The following HELB variants were observed in gnomAD, a reference collection of about 807,000 sequenced individuals.
HELB encodes DNA 5'-3' helicase B.
A neutral mutation model predicts 101.7 loss-of-function variants in HELB; 96 were observed. That is an observed-to-expected ratio of 0.94 (90% CI 0.80 to 1.12). The LOEUF (loss-of-function observed/expected upper bound fraction) is 1.12. HELB is among the 50% of genes most tolerant of loss of function. The pLI, the probability that HELB is intolerant of heterozygous loss-of-function variation, is 0.00. For synonymous variants in HELB, 437 were observed against 459.7 expected (o/e 0.95, Z 0.63); for missense variants, 1,210 against 1,291.9 (o/e 0.94, Z 0.97).
Position 66,310,449 on chromosome 12 carries a change from T to C in HELB, c.1521T>C (p.Phe507=). ...AAGTAAAAAAAGCCTGTGAAGATTT[T>C]GAACAAGACCAGAATGCTTCAGAAG... is the stretch of plus-strand genomic sequence containing the variant. ...EREVKKACED[F]EQDQNASEEW... Residue 507 remains phenylalanine, a synonymous_variant, in exon 4 of 13, where the codon TTT becomes TTC. Transcript: ENST00000247815. The C allele has an allele frequency of 6.2e-7, 1 of 1,614,152 alleles. No individual in the cohort carries two copies.
intron 4 of HELB, among the ~76,000 whole-genome samples, chr12:66,312,580 G>T (rs1268487907): frequency 1.3e-5 from 2 of 152,154 alleles, no homozygotes; most frequent in Non-Finnish European, 2.9e-5. Context: ...TGAATTAGAA[G>T]GGGACACCCG....
At chr12:66,315,490 G>T in intron 6 of HELB, 107 bp downstream of exon 6, 1 of 745,982 alleles carries the variant, frequency 1.3e-6, no homozygotes, top group Non-Finnish European at 1.9e-6. Context: ...ACACCTTTTA[G>T]CAAAACTCTT....
chr12:66,305,184 A>C, intron 2 of HELB, 34 bp downstream of exon 2: 1 of 1,235,902 alleles, frequency 8.1e-7, no homozygotes. Flanking sequence ...CTTTCAGTGT[A>C]ATTGACATAC....
downstream of HELB, chr12:66,338,311 G>T: frequency 2.2e-6 from 1 of 450,766 alleles, no homozygotes; most frequent in Non-Finnish European, 3.9e-6. Flanking sequence ...TAAGTGAAGA[G>T]ATTAGATATT....
At position 66,331,569 on chromosome 12, in the gene HELB, A is replaced by G. The variant is rs775046593; in HGVS notation, c.3086A>G (p.Asp1029Gly). The change falls in exon 12 of 13, where the codon GAT (aspartate) becomes GGT (glycine). Residue 1029 changes from aspartate to glycine, a missense_variant. Asp to Gly is a moderately conservative substitution (Grantham distance 94). Coordinates refer to ENST00000247815, the MANE Select transcript of HELB (RefSeq NM_001370285.1). The stretch of plus-strand genomic sequence containing the variant: ...TCACCTGATGGAGTAGATACAGATG[A>G]TGATTTACCAAAATCGCGAGCATCC... ...LSSPDGVDTD[D>G]DLPKSRASKR... is the part of the protein sequence containing the mutation. 27 of 1,613,536 alleles carry G rather than the reference A, an allele frequency of 1.7e-5. No individual in the cohort carries two copies. The South Asian group carries it at 3.0e-4, about 18-fold the overall frequency.
intron 3 of HELB, among the ~76,000 whole-genome samples, chr12:66,307,474 T>C (rs765453058): frequency 8.5e-5 from 13 of 152,230 alleles, no homozygotes; most frequent in Non-Finnish European, 1.6e-4. Context: ...TGTTCACATT[T>C]CAAGAATAAA....
chr12:66,330,838 A>C (rs1297304859), intron 11 of HELB, among the ~76,000 whole-genome samples: 1 of 151,954 alleles, frequency 6.6e-6, no homozygotes, highest in African/African-American at 2.4e-5. Flanking sequence ...ACACATTTAC[A>C]CATGAAGCCT....
In HELB at chr12:66,318,760, G is replaced by A. The variant is rs762315935; in HGVS notation, c.2123G>A (p.Ser708Asn). ...IFVRLPEEDA[S>N]SQSSKTNHHS... ...GTCAGGCTCCCAGAAGAGGATGCCAGTTCTCAGTCATCTAAAACTAATCAT... is the reference window on the plus strand; with the variant it reads ...GTCAGGCTCCCAGAAGAGGATGCCAATTCTCAGTCATCTAAAACTAATCAT... The change falls in exon 7 of 13, where the codon AGT becomes AAT. Residue 708 changes from serine to asparagine, a missense_variant. Transcript: ENST00000247815. 4.2e-5 allele frequency: 67 copies of A among 1,609,508 alleles called. No individual in the cohort carries two copies. The highest frequency in any genetic ancestry group is 5.6e-5 in the Non-Finnish European group (66 of 1,178,634).
intron 4 of HELB, among the ~76,000 whole-genome samples, chr12:66,313,064 G>A (rs1466215506): frequency 2.0e-5 from 3 of 152,166 alleles, no homozygotes; most frequent in African/African-American, 4.8e-5. Context: ...TATCAAATAA[G>A]AGAAAAGAAA....
rs2053791852 is a variant in HELB, at chr12:66,330,405, A to G, written c.2671-749A>G. ...ATAGGCCTTCCATTTGGAGACATTA[A>G]TAAAAAATTTGGTAGAATTTCTCTC... is the stretch of plus-strand genomic sequence containing the variant. On this transcript the variant is annotated intron_variant, in intron 11 of 12. Transcript: ENST00000247815. 2.0e-5 allele frequency among the ~76,000 whole-genome samples: 3 copies of G among 152,092 alleles called. 1 individual carries two copies. In the South Asian group the frequency reaches 6.2e-4, roughly 32 times the overall value.
At position 66,309,777 on chromosome 12, in the gene HELB, T is replaced by C. The variant is rs2053518282; in HGVS notation, c.849T>C (p.Leu283=). ...SWIAFCQCES[L]LQLMTDLEKN... is the part of the protein sequence containing the mutation. ...TAGCATTTTGTCAGTGTGAGTCTCT[T>C]CTCCAGCTGATGACTGATTTGGAGA... Residue 283 remains leucine (L), a synonymous_variant, in exon 4 of 13, where the codon CTT becomes CTC. Coordinates refer to ENST00000247815, the MANE Select transcript of HELB (RefSeq NM_001370285.1). 6.2e-7 allele frequency: 1 copy of C among 1,614,016 alleles called. No homozygotes were observed. Among genetic ancestry groups the C allele is most frequent in the Non-Finnish European group, 8.5e-7 (1 of 1,179,972 alleles).
rs1304987432 is a variant in HELB at position 66,315,297 on chromosome 12, T to A, written c.1914T>A (p.Phe638Leu). Residue 638 changes from phenylalanine to leucine, a missense_variant, in exon 6 of 13, where the codon TTT (phenylalanine) becomes TTA (leucine). Around this residue, in one of 2 missense-constraint regions of HELB, gnomAD observed 740 missense variants for 728.8 expected, o/e 1.02. Transcript: ENST00000247815. The part of the protein sequence containing the change: ...IEPGNLLKDL[F>L]ETLKSRNCAI... ...CTGGTAACTTGCTGAAAGATCTTTT[T>A]GAGACTCTTAAGTCAAGAAATTGTG... The A allele has an allele frequency of 6.2e-7, 1 of 1,609,164 alleles. No homozygotes were observed. The highest frequency in any genetic ancestry group is 1.7e-5 in the Admixed American group (1 of 59,502).
At chr12:66,304,599 C>A (rs1006387360) in intron 1 of HELB, 132 bp from the exon 2 acceptor site, 3 of 761,882 alleles carry the variant, frequency 3.9e-6, no homozygotes, top group South Asian at 1.9e-5. Flanking sequence ...GTTACAGGCA[C>A]CCTACCAGAC....
chr12:66,302,652 C>T lies in HELB; in HGVS notation c.49C>T (p.Pro17Ser). 1 of 1,614,142 alleles carries T rather than the reference C, an allele frequency of 6.2e-7. No homozygotes were observed. The change falls in exon 1 of 13, where the codon CCA becomes TCA. Residue 17 changes from proline to serine, a missense_variant. Physicochemically the swap from Pro to Ser is moderately conservative, Grantham distance 74. Transcript: ENST00000247815. ...GCGCCAACTTCAGGGACCTCTGCTC[C>T]CACCCAGGGATCTGGTGGAGGAGGA... ...YLRQLQGPLLPPRDLVEEDDD... is the reference protein window; with the variant it reads ...YLRQLQGPLLSPRDLVEEDDD...
At position 66,302,784 on chromosome 12, in the gene HELB, C is replaced by G. The variant is rs760205901; in HGVS notation, c.181C>G (p.Leu61Val). The stretch of plus-strand genomic sequence containing the variant: ...AAAGGCTGGCAGCCTCCCCGGGTGC[C>G]TCCGCGGTGAGGAAGGCGTCTGCCC... ...GVKAGSLPGC[L>V]RVSICDENTQ... The change falls in exon 1 of 13, where the codon CTC becomes GTC. Residue 61 changes from leucine to valine, a missense_variant. Transcript: ENST00000247815. 1.1e-5 allele frequency: 17 copies of G among 1,607,638 alleles called. No homozygotes were observed. Among genetic ancestry groups the G allele is most frequent in the Non-Finnish European group, 1.4e-5 (16 of 1,176,008 alleles).
chr12:66,316,863 C>G (rs2053611768), intron 6 of HELB, among the ~76,000 whole-genome samples: 1 of 151,632 alleles, frequency 6.6e-6, no homozygotes, highest in African/African-American at 2.4e-5. Flanking sequence ...ACTAAAAATA[C>G]AAAAAATTAG....
intron 6 of HELB, among the ~76,000 whole-genome samples, chr12:66,315,792 C>T (rs11610967): frequency 0.39 from 59,037 of 151,994 alleles, 13,758 homozygotes; most frequent in Middle Eastern, 0.59. Flanking sequence ...TGGTATTTCA[C>T]TCCTAGATGA....
chr12:66,338,132 GTTT>G lies in HELB; in HGVS notation c.*33_*35del. On this transcript the variant is annotated 3_prime_UTR_variant, in exon 13 of 13. Transcript: ENST00000247815. Reference sequence around the variant, plus strand: ...ATTTCAAATTGTTCCGAGTAACTATGTTTTTCTATTGGAGACAAAATGAACATC... The same window carrying G: ...ATTTCAAATTGTTCCGAGTAACTATGTTCTATTGGAGACAAAATGAACATC... 7.9e-7 allele frequency: 1 copy of G among 1,263,786 alleles called. No homozygotes were observed. Among genetic ancestry groups the G allele is most frequent in the South Asian group, 1.2e-5 (1 of 82,732 alleles). The allele number at this position is 1,263,786 out of a possible 1,614,324, so 78.3% of individuals were successfully genotyped here. A position where few individuals can be genotyped will look rare whatever the true frequency, so the allele number is the denominator to read the frequency against.
intron 6 of HELB, among the ~76,000 whole-genome samples, chr12:66,316,322 G>A (rs1162978739): frequency 1.2e-4 from 19 of 152,110 alleles, no homozygotes. Flanking sequence ...CGATGTGACT[G>A]TATTAAAATC....
Sources: allele counts gnomAD v4.1 joint callset (sites outside exome capture counted in the v4.1 genomes callset), GRCh38; gene constraint gnomAD v4.1.1; regional missense constraint gnomAD v4.1.1; transcripts MANE v1.5; gene names NCBI Gene and HGNC (gene_info 2026-07-23, HGNC 2026-07-21).